The following EFL1 variants were observed in gnomAD, a reference collection of about 807,000 sequenced individuals.
EFL1 encodes the protein elongation factor like GTPase 1, also known as elongation factor-like GTPase 1.
In EFL1, 76 loss-of-function variants were observed where a neutral mutation model predicts 126.7. The ratio of observed to expected loss-of-function variants is 0.60; its 90% CI spans 0.50 to 0.73. The LOEUF is 0.73. Ranked by LOEUF, EFL1 falls within the 30% of genes least tolerant of loss-of-function variation. The pLI, the probability that EFL1 is intolerant of heterozygous loss-of-function variation, is 0.00. For missense variants in EFL1, 1,128 were observed against 1,343.2 expected (o/e 0.84, Z 2.50); for synonymous variants, 410 against 448.4 (o/e 0.91, Z 1.08).
chr15:82,153,586 C>T (rs2073936329), intron 17 of EFL1, among the ~76,000 whole-genome samples: 1 of 152,120 alleles, frequency 6.6e-6, no homozygotes, highest in Non-Finnish European at 1.5e-5. Flanking sequence ...AGTAATTTCT[C>T]CAAATAGTCT....
At chr15:82,237,075 G>A (rs201667148) in intron 7 of EFL1, among the ~76,000 whole-genome samples, 2 of 152,076 alleles carry the variant, frequency 1.3e-5, no homozygotes, top group Non-Finnish European at 2.9e-5. Context: ...CCTGGGAGGC[G>A]GAGGTTGCAG....
intron 15 of EFL1, among the ~76,000 whole-genome samples, chr15:82,207,976 C>A (rs1415235991): frequency 6.6e-6 from 1 of 152,142 alleles, no homozygotes; most frequent in Non-Finnish European, 1.5e-5. Context: ...CTGCCTCGGC[C>A]TCCCAAAGTG....
intron 18 of EFL1, among the ~76,000 whole-genome samples, chr15:82,140,533 C>T (rs1312271682): frequency 6.6e-6 from 1 of 152,140 alleles, no homozygotes; most frequent in Non-Finnish European, 1.5e-5. Flanking sequence ...TGAACAAACT[C>T]TCCACTCAGC....
At chr15:82,208,975 T>C (rs2074554679) in intron 15 of EFL1, among the ~76,000 whole-genome samples, 1 of 152,120 alleles carries the variant, frequency 6.6e-6, no homozygotes, top group African/African-American at 2.4e-5. Flanking sequence ...AAAAGAAATA[T>C]GACACATAAC....
chr15:82,182,310 A>G (rs978927995), intron 15 of EFL1, among the ~76,000 whole-genome samples: 2 of 152,232 alleles, frequency 1.3e-5, no homozygotes, highest in Non-Finnish European at 2.9e-5. Context: ...ATTTTTAGGC[A>G]GCTATTTGTG....
At chr15:82,211,577 CACACTAGACACATACTAG>C (rs2074588484) in intron 15 of EFL1, among the ~76,000 whole-genome samples, 3 of 127,146 alleles carry the variant, frequency 2.4e-5, no homozygotes, top group Non-Finnish European at 5.0e-5. Context: ...CACACACACA[CACACTAGACACATACTAG>C]ACACACACAC....
At chr15:82,141,700 A>AC (rs2073790269) in intron 18 of EFL1, among the ~76,000 whole-genome samples, 1 of 151,390 alleles carries the variant, frequency 6.6e-6, no homozygotes, top group African/African-American at 2.4e-5. Context: ...AAAAAAAAAA[A>AC]CAAAAAAGAA....
intron 9 of EFL1, among the ~76,000 whole-genome samples, chr15:82,228,694 C>T (rs1005178997): frequency 6.6e-6 from 1 of 152,158 alleles, no homozygotes; most frequent in Non-Finnish European, 1.5e-5. Context: ...TCTCAACTTC[C>T]CCATTAATGA....
At position 82,151,446 on chromosome 15, in the gene EFL1, T is replaced by G. The variant is rs1411160390; in HGVS notation, c.2989+19A>C. The G allele has an allele frequency of 1.3e-6, 2 of 1,583,148 alleles. No homozygotes were observed. Among genetic ancestry groups the G allele is most frequent in the Non-Finnish European group, 1.7e-6 (2 of 1,166,432 alleles). Reference sequence around the variant, plus strand: ...GTTATTCAGGGCATTTCTCACTATCTTTACCTTTTCTTCCTTACCGAGAAC... The same window carrying G: ...GTTATTCAGGGCATTTCTCACTATCGTTACCTTTTCTTCCTTACCGAGAAC... On this transcript the variant is annotated intron_variant, in intron 18 of 19. Transcript: ENST00000268206.
At chr15:82,237,808 A>G (rs936258547) in intron 7 of EFL1, among the ~76,000 whole-genome samples, 5 of 152,058 alleles carry the variant, frequency 3.3e-5, no homozygotes, top group African/African-American at 1.2e-4. Context: ...CATCCACACC[A>G]TGGAATACTA....
intron 16 of EFL1, among the ~76,000 whole-genome samples, chr15:82,160,308 G>A (rs1400304192): frequency 6.6e-6 from 1 of 152,212 alleles, no homozygotes; most frequent in African/African-American, 2.4e-5. Context: ...GATGGCTACC[G>A]CCCAAGGTGA....
chr15:82,240,662 G>C, intron 5 of EFL1, 107 bp from the exon 6 acceptor site: 1 of 1,281,596 alleles, frequency 7.8e-7, no homozygotes, highest in Non-Finnish European at 1.1e-6. Flanking sequence ...TCAGACAAAG[G>C]TATTCATTAG....
intron 3 of EFL1, among the ~76,000 whole-genome samples, chr15:82,255,165 G>A (rs550670915): frequency 6.6e-6 from 1 of 152,304 alleles, no homozygotes; most frequent in East Asian, 1.9e-4. Context: ...AACCTCCACA[G>A]CTGATATTGC....
intron 19 of EFL1, among the ~76,000 whole-genome samples, chr15:82,138,054 A>G (rs1277281995): frequency 2.0e-5 from 3 of 152,166 alleles, no homozygotes; most frequent in Non-Finnish European, 4.4e-5. Flanking sequence ...CTGATTACAG[A>G]TAAGGTTTGC....
In EFL1 at chr15:82,262,689, G is replaced by A. The variant is rs564147238; in HGVS notation, c.-95C>T. ...ACCGAGAGCTTCCGAAAGTCCGAGA[G>A]CTCTGCGGGTCCGACACGCCCGCGC... On this transcript the variant is annotated 5_prime_UTR_variant, in exon 1 of 20. Transcript: ENST00000268206. The A allele has an allele frequency of 1.6e-4, 94 of 600,724 alleles. 2 individuals carry two copies. In the East Asian group the frequency reaches 3.0e-3, roughly 19 times the overall value. The allele number at this position is 600,724 out of a possible 1,614,324, so 37.2% of individuals were successfully genotyped here.
intron 3 of EFL1, among the ~76,000 whole-genome samples, chr15:82,254,852 G>A (rs118094378): frequency 0.011 from 1,660 of 152,318 alleles, 10 homozygotes; most frequent in Non-Finnish European, 0.016. Flanking sequence ...TTAGGGCTAA[G>A]GAGTTGGAAA....
chr15:82,245,220 T>C (rs1221895611), intron 4 of EFL1, among the ~76,000 whole-genome samples: 2 of 152,110 alleles, frequency 1.3e-5, no homozygotes, highest in Non-Finnish European at 2.9e-5. Context: ...GGCACAATCA[T>C]AGCTCACTGC....
At chr15:82,218,967 C>T (rs1229683484) in intron 14 of EFL1, among the ~76,000 whole-genome samples, 3 of 152,146 alleles carry the variant, frequency 2.0e-5, no homozygotes, top group Non-Finnish European at 4.4e-5. Flanking sequence ...TTTTTGTGCT[C>T]ATGATGCTCC....
chr15:82,207,139 A>C (rs2074532402), intron 15 of EFL1, among the ~76,000 whole-genome samples: 1 of 152,100 alleles, frequency 6.6e-6, no homozygotes, highest in African/African-American at 2.4e-5. Context: ...GTCACCTGAA[A>C]GATGTAGAAA....
Sources: gnomAD v4.1 joint callset for allele counts (sites outside exome capture counted in the v4.1 genomes callset) on GRCh38, gnomAD v4.1.1 for gene constraint, MANE v1.5 for transcripts, NCBI Gene and HGNC (gene_info 2026-07-23, HGNC 2026-07-21) for gene names.